Variants in MYBL1 observed in about 807,000 individuals in gnomAD.
The protein encoded by MYBL1 is MYB proto-oncogene like 1, also known as myb-related protein A.
MYBL1 carries 17 observed loss-of-function variants against 96.3 expected under a neutral mutation model. The observed-to-expected ratio is 0.18, with a 90% CI of 0.12 to 0.26. MYBL1 has a LOEUF of 0.26. Ranked by LOEUF, MYBL1 falls within the 10% of genes least tolerant of loss-of-function variation. The pLI is 1.00. For synonymous variants in MYBL1, 282 were observed against 292.7 expected (o/e 0.96, Z 0.37); for missense variants, 701 against 882.9 (o/e 0.79, Z 2.61).
chr8:66,582,751 A>T (rs1419978463), intron 8 of MYBL1, among the ~76,000 whole-genome samples: 1 of 151,526 alleles, frequency 6.6e-6, no homozygotes, highest in Non-Finnish European at 1.5e-5. Context: ...AAAAAAAGAC[A>T]AAAAAGGTCA....
chr8:66,605,047 TA>T (rs1179323297), intron 1 of MYBL1, among the ~76,000 whole-genome samples: 1 of 152,240 alleles, frequency 6.6e-6, no homozygotes, highest in East Asian at 1.9e-4. Context: ...CCACATTTTT[TA>T]AAAAAAGAGA....
chr8:66,583,313 CCAA>C (rs1406220717), intron 8 of MYBL1, among the ~76,000 whole-genome samples: 1 of 152,016 alleles, frequency 6.6e-6, no homozygotes, highest in Non-Finnish European at 1.5e-5. Context: ...AACAAACATA[CCAA>C]CACCTATGGG....
chr8:66,573,268 A>G (rs1281040565), intron 11 of MYBL1, 96 bp downstream of exon 11: 1 of 1,192,450 alleles, frequency 8.4e-7, no homozygotes, highest in Non-Finnish European at 1.1e-6. Context: ...TAGGAATAGG[A>G]ATTATGATAC....
At chr8:66,567,512 A>T (rs1808550081) in intron 12 of MYBL1, among the ~76,000 whole-genome samples, 1 of 149,614 alleles carries the variant, frequency 6.7e-6, no homozygotes, top group South Asian at 2.1e-4. Flanking sequence ...GTATCCAAGA[A>T]GACAGAGAGA....
intron 1 of MYBL1, among the ~76,000 whole-genome samples, chr8:66,611,492 T>G (rs1471966215): frequency 1.3e-5 from 2 of 152,142 alleles, no homozygotes; most frequent in African/African-American, 4.8e-5. Flanking sequence ...TGGAGACATT[T>G]TTACTGTCAT....
intron 11 of MYBL1, among the ~76,000 whole-genome samples, chr8:66,573,139 G>A (rs1027378013): frequency 6.0e-5 from 9 of 149,642 alleles, no homozygotes; most frequent in Non-Finnish European, 8.9e-5. Flanking sequence ...ACTTGAACCC[G>A]GGAGGCAGAG....
chr8:66,594,059 C>G (rs1009335744), intron 6 of MYBL1, among the ~76,000 whole-genome samples: 3 of 151,842 alleles, frequency 2.0e-5, no homozygotes, highest in African/African-American at 7.3e-5. Context: ...TCACATGAGC[C>G]CAGAAGGTTG....
intron 3 of MYBL1, 44 bp downstream of exon 3, chr8:66,601,654 C>G (rs1209166634): frequency 8.6e-7 from 1 of 1,165,364 alleles, no homozygotes; most frequent in Admixed American, 2.4e-5. Context: ...AACCCAATGC[C>G]TTAAACCAGC....
chr8:66,572,224 G>C (rs1808761913), intron 12 of MYBL1, among the ~76,000 whole-genome samples: 1 of 151,450 alleles, frequency 6.6e-6, no homozygotes, highest in African/African-American at 2.4e-5. Context: ...GGAGGCTGAG[G>C]CATGAGGATC....
chr8:66,569,411 A>G (rs537721246), intron 12 of MYBL1, among the ~76,000 whole-genome samples: 2 of 149,146 alleles, frequency 1.3e-5, no homozygotes, highest in Non-Finnish European at 3.0e-5. Context: ...GTGCAGTGGT[A>G]TAATATCAGC....
intron 5 of MYBL1, among the ~76,000 whole-genome samples, chr8:66,596,992 T>G (rs1478781660): frequency 6.6e-6 from 1 of 152,168 alleles, no homozygotes; most frequent in Non-Finnish European, 1.5e-5. Flanking sequence ...ATCTTAGATT[T>G]AGATTCTTTT....
At chr8:66,593,064 T>A in intron 7 of MYBL1, 56 bp downstream of exon 7, 2 of 1,148,648 alleles carry the variant, frequency 1.7e-6, no homozygotes, top group Non-Finnish European at 2.5e-6. Flanking sequence ...ACTATTAGGC[T>A]TTTAAAAATG....
intron 12 of MYBL1, among the ~76,000 whole-genome samples, chr8:66,569,352 T>C (rs992843170): frequency 6.6e-6 from 1 of 151,878 alleles, no homozygotes; most frequent in South Asian, 2.1e-4. Context: ...TTTTTTTTTT[T>C]TCCTTAATTT....
At position 66,564,867 on chromosome 8, in the gene MYBL1, T is replaced by C. The variant is rs200038624; in HGVS notation, c.2131-42A>G. 6.6e-5 allele frequency: 92 copies of C among 1,398,824 alleles called. No homozygotes were observed. The East Asian group carries it at 2.1e-3, about 32-fold the overall frequency. 86.7% of individuals were successfully genotyped at this position (1,398,824 alleles called of 1,614,324 possible). ...AATAGTGACATGAAAATTATTAAAATAGCTATCTATATCACAATTAGACTC... is the reference window on the plus strand; with the variant it reads ...AATAGTGACATGAAAATTATTAAAACAGCTATCTATATCACAATTAGACTC... On this transcript the variant is annotated intron_variant, in intron 15 of 15. Coordinates refer to ENST00000522677, the MANE Select transcript of MYBL1 (RefSeq NM_001080416.4).
chr8:66,591,296 A>C (rs942846785), intron 8 of MYBL1, among the ~76,000 whole-genome samples: 6 of 152,082 alleles, frequency 3.9e-5, no homozygotes, highest in African/African-American at 1.4e-4. Context: ...GCAGTGAGCC[A>C]AGATCACGCC....
In MYBL1 at chr8:66,564,640, C is replaced by T. The variant is rs1012408421; in HGVS notation, c.*57G>A. ...TAATTGAGAAAAATTTCACTGCAACCTAATTTAGTAGAGACTGCAGTAAGG... is the reference window on the plus strand; with the variant it reads ...TAATTGAGAAAAATTTCACTGCAACTTAATTTAGTAGAGACTGCAGTAAGG... On this transcript the variant is annotated 3_prime_UTR_variant, in exon 16 of 16. Coordinates refer to ENST00000522677, the MANE Select transcript of MYBL1 (RefSeq NM_001080416.4). The T allele has an allele frequency of 1.7e-5, 24 of 1,395,356 alleles. No homozygotes were observed. Among genetic ancestry groups the T allele is most frequent in the Non-Finnish European group, 2.1e-5 (22 of 1,046,510 alleles). 86.4% of individuals were successfully genotyped at this position (1,395,356 alleles called of 1,614,324 possible).
chr8:66,583,249 A>G (rs932655492), intron 8 of MYBL1, among the ~76,000 whole-genome samples: 13 of 152,208 alleles, frequency 8.5e-5, no homozygotes, highest in Non-Finnish European at 1.9e-4. Context: ...CAATAGGTCA[A>G]TGAAGAAATT....
At chr8:66,584,812 C>T (rs147341641) in intron 8 of MYBL1, among the ~76,000 whole-genome samples, 6 of 151,644 alleles carry the variant, frequency 4.0e-5, no homozygotes, top group Admixed American at 6.6e-5. Flanking sequence ...AAATAAAATA[C>T]GTAGGATAAA....
chr8:66,562,409 C>CA lies in MYBL1; in HGVS notation c.*2287dup, dbSNP rs568158254. 1.3e-5 allele frequency: 2 copies of CA among 152,430 alleles called. No homozygotes were observed. Among genetic ancestry groups the CA allele is most frequent in the Non-Finnish European group, 1.5e-5 (1 of 67,994 alleles). The allele number at this position is 152,430 out of a possible 1,614,324, so 9.4% of individuals were successfully genotyped here. A position where few individuals can be genotyped will look rare whatever the true frequency, so the allele number is the denominator to read the frequency against. ...TTTGTATAACATACTGAAAGAAACT[C>CA]AGAGGAACAAAACAGTATAAAGGTG... On this transcript the variant is annotated 3_prime_UTR_variant, in exon 16 of 16. Transcript: ENST00000522677.
Sources: allele counts gnomAD v4.1 joint callset (sites outside exome capture counted in the v4.1 genomes callset), GRCh38; gene constraint gnomAD v4.1.1; transcripts MANE v1.5; gene names NCBI Gene and HGNC (gene_info 2026-07-23, HGNC 2026-07-21).